BLNK: variants seen among roughly 807,000 people sequenced by gnomAD.
The protein encoded by BLNK is B cell linker.
A neutral mutation model predicts 73.5 loss-of-function variants in BLNK; 29 were observed. That is an observed-to-expected ratio of 0.39 (90% confidence interval 0.29 to 0.54). The LOEUF (loss-of-function observed/expected upper bound fraction) is 0.54. Among genes scored for constraint, BLNK ranks in the 20% least tolerant of loss-of-function variants. BLNK has a pLI of 0.61. For synonymous variants in BLNK, 176 were observed against 200.8 expected (o/e 0.88, Z 1.04); for missense variants, 460 against 562.8 (o/e 0.82, Z 1.85).
intron 13 of BLNK, 79 bp from the exon 14 acceptor site, chr10:96,201,137 C>T: frequency 7.8e-7 from 1 of 1,285,828 alleles, no homozygotes; most frequent in Non-Finnish European, 1.1e-6. Context: ...TAACACTGTA[C>T]TAGGTGCTGC....
chr10:96,234,194 A>G (rs1389314859), intron 3 of BLNK, among the ~76,000 whole-genome samples: 4 of 152,202 alleles, frequency 2.6e-5, no homozygotes, highest in Non-Finnish European at 4.4e-5. Context: ...ACCTTGGTGA[A>G]ACGAGAATGA....
intron 5 of BLNK, among the ~76,000 whole-genome samples, chr10:96,227,059 C>A (rs1842296749): frequency 6.6e-6 from 1 of 152,174 alleles, no homozygotes; most frequent in Non-Finnish European, 1.5e-5. Context: ...GCACACGAAG[C>A]CCTAAAAGTG....
chr10:96,214,438 T>G (rs17111453), intron 8 of BLNK, among the ~76,000 whole-genome samples: 5,162 of 152,058 alleles, frequency 0.034, 291 homozygotes, highest in African/African-American at 0.12. Context: ...TCCTTGTCGC[T>G]GAGGAGAGAG....
intron 3 of BLNK, among the ~76,000 whole-genome samples, chr10:96,239,432 T>C (rs1238330754): frequency 6.6e-6 from 1 of 152,228 alleles, no homozygotes; most frequent in African/African-American, 2.4e-5. Context: ...ACCTTGTATG[T>C]GGGCTCAGTG....
intron 4 of BLNK, among the ~76,000 whole-genome samples, chr10:96,228,680 G>A (rs994943482): frequency 6.6e-6 from 1 of 152,150 alleles, no homozygotes; most frequent in South Asian, 2.1e-4. Context: ...GCTTCTCACC[G>A]CAGAGGCAGA....
At chr10:96,192,113 T>C in intron 16 of BLNK, 21 bp from the exon 17 acceptor site, 1 of 1,613,112 alleles carries the variant, frequency 6.2e-7, no homozygotes, top group Non-Finnish European at 8.5e-7. Flanking sequence ...AAAACATAGA[T>C]GAATTATACT....
chr10:96,228,108 T>C (rs1591330682), intron 4 of BLNK, among the ~76,000 whole-genome samples: 2 of 124,298 alleles, frequency 1.6e-5, no homozygotes, highest in African/African-American at 3.3e-5. Context: ...TTTTTTTTTT[T>C]CCTGTTTTTG....
chr10:96,246,144 A>T (rs1360481939), intron 2 of BLNK, among the ~76,000 whole-genome samples: 1 of 151,970 alleles, frequency 6.6e-6, no homozygotes, highest in East Asian at 1.9e-4. Context: ...CTCTTTAAAA[A>T]AAAAAGCTTA....
At chr10:96,212,937 C>T (rs2083981784) in intron 8 of BLNK, among the ~76,000 whole-genome samples, 1 of 152,224 alleles carries the variant, frequency 6.6e-6, no homozygotes, top group South Asian at 2.1e-4. Flanking sequence ...TTCCCCCTTC[C>T]TGTAGGTACT....
In BLNK at chr10:96,216,708, A is replaced by G. The variant is rs151100328; in HGVS notation, c.552T>C (p.Asp184=). ...DEADYVVPVE[D]NDENYIHPTE... ...TGGGATGAATATAGTTTTCATCATT[A>G]TCTTCCACGGGGACCACATAATCAG... Residue 184 remains aspartate, a synonymous_variant, in exon 7 of 17, where the codon GAT becomes GAC. Transcript: ENST00000224337. 18 of 1,614,050 alleles carry G rather than the reference A, an allele frequency of 1.1e-5. No homozygotes were observed. The highest frequency in any genetic ancestry group is 4.0e-5 in the African/African-American group (3 of 74,946).
intron 1 of BLNK, among the ~76,000 whole-genome samples, chr10:96,257,166 T>C (rs1554911421): frequency 1.3e-5 from 2 of 152,016 alleles, no homozygotes; most frequent in Non-Finnish European, 2.9e-5. Flanking sequence ...AAGTAGGTGT[T>C]GAGAGGATGT....
At chr10:96,217,705 T>C (rs1554900173) in intron 6 of BLNK, among the ~76,000 whole-genome samples, 1 of 152,214 alleles carries the variant, frequency 6.6e-6, no homozygotes, top group African/African-American at 2.4e-5. Context: ...AGTTATAAGT[T>C]CTTCATCAGA....
intron 1 of BLNK, among the ~76,000 whole-genome samples, chr10:96,266,693 G>T (rs922416199): frequency 2.6e-5 from 4 of 152,188 alleles, no homozygotes; most frequent in African/African-American, 9.7e-5. Flanking sequence ...AAACCAGACG[G>T]TCCAGGAAGT....
At chr10:96,209,616 C>T (rs1554898221) in intron 9 of BLNK, among the ~76,000 whole-genome samples, 1 of 152,158 alleles carries the variant, frequency 6.6e-6, no homozygotes, top group Non-Finnish European at 1.5e-5. Flanking sequence ...TGGTCTTGAA[C>T]TCCTGGCTTC....
chr10:96,254,171 G>A (rs1313109202), intron 1 of BLNK, among the ~76,000 whole-genome samples: 2 of 152,164 alleles, frequency 1.3e-5, no homozygotes, highest in African/African-American at 4.8e-5. Context: ...ACCATAGCCT[G>A]GAATAGCTTT....
intron 6 of BLNK, among the ~76,000 whole-genome samples, chr10:96,218,370 T>C (rs1473680719): frequency 6.6e-6 from 1 of 152,078 alleles, no homozygotes; most frequent in African/African-American, 2.4e-5. Context: ...AAAAATTAAG[T>C]AGTTTGCTCA....
At position 96,200,473 on chromosome 10, in the gene BLNK, C is replaced by T. The variant is rs977297370; in HGVS notation, c.1012-315G>A. Among the ~76,000 whole-genome samples the T allele has an allele frequency of 6.6e-6, 1 of 152,124 alleles. No individual in the cohort carries two copies. The highest frequency in any genetic ancestry group is 1.5e-5 in the Non-Finnish European group (1 of 67,996). ...GTGGAGTGCTTTACAATTTCCAAAG[C>T]ATTTTTACAAATATTATTTTATTTG... On this transcript the variant is annotated intron_variant, in intron 14 of 16. Coordinates refer to ENST00000224337, the MANE Select transcript of BLNK (RefSeq NM_013314.4). The surrounding 1 kb of genome is among the most constrained non-coding windows in gnomAD (Gnocchi z 4.3).
rs144266674 is a variant in BLNK, at chr10:96,204,068, A to G, written c.923T>C (p.Ile308Thr). 9.5e-4 allele frequency: 1,527 copies of G among 1,613,642 alleles called. 5 individuals are homozygous for G. The highest frequency in any genetic ancestry group is 2.1e-3 in the Middle Eastern group (13 of 6,062). The change falls in exon 13 of 17, where the codon ATA (isoleucine) becomes ACA (threonine). Residue 308 changes from isoleucine to threonine, a missense_variant. Coordinates refer to ENST00000224337, the MANE Select transcript of BLNK (RefSeq NM_013314.4). ...PAQKQIHQKP[I>T]PLPRFTEGGN... ...TTCGTTGTACTTACTTGGCAGAGGT[A>G]TGGGTTTTTGGTGGATTTGTCTGCA...
rs1591299167 is a variant in BLNK, at chr10:96,201,203, C to G, written c.935-145G>C. Reference sequence around the variant, plus strand: ...AGGCAATGGTTCCAAAAGTGTGGTCCAAGGACCCCTGGAAATCTCGAAAAT... The same window carrying G: ...AGGCAATGGTTCCAAAAGTGTGGTCGAAGGACCCCTGGAAATCTCGAAAAT... On this transcript the variant is annotated intron_variant, in intron 13 of 16. Transcript: ENST00000224337. 3 of 720,296 alleles carry G rather than the reference C, an allele frequency of 4.2e-6. No individual in the cohort carries two copies. In the East Asian group the frequency reaches 8.1e-5, roughly 19 times the overall value. The allele number at this position is 720,296 out of a possible 1,614,324, so 44.6% of individuals were successfully genotyped here.
Sources: allele counts gnomAD v4.1 joint callset (sites outside exome capture counted in the v4.1 genomes callset), GRCh38; gene constraint gnomAD v4.1.1; non-coding constraint Gnocchi (gnomAD v3.1); transcripts MANE v1.5; gene names NCBI Gene and HGNC (gene_info 2026-07-23, HGNC 2026-07-21).